Variants in COX7B2 observed in about 807,000 individuals in gnomAD.
COX7B2 encodes cytochrome c oxidase subunit 7B2, mitochondrial.
For synonymous variants in COX7B2, 37 were observed against 32.1 expected, an observed-to-expected ratio of 1.15 and a Z score of -0.51; for missense variants, 109 against 95.9, an observed-to-expected ratio of 1.14 and a Z score of -0.57.
intron 2 of COX7B2, among the ~76,000 whole-genome samples, chr4:46,805,749 G>A (rs1276799723): frequency 3.3e-5 from 5 of 152,030 alleles, no homozygotes; most frequent in Non-Finnish European, 7.4e-5. Context: ...GTAGATCAAT[G>A]TAATTTTTGA....
chr4:46,862,518 T>C (rs546065079), intron 1 of COX7B2, among the ~76,000 whole-genome samples: 1 of 152,316 alleles, frequency 6.6e-6, no homozygotes, highest in South Asian at 2.1e-4. Context: ...ATAAATTAAG[T>C]CCAAATGCTT....
chr4:46,859,841 T>G (rs1249383487), intron 1 of COX7B2, among the ~76,000 whole-genome samples: 2 of 152,158 alleles, frequency 1.3e-5, no homozygotes, highest in African/African-American at 4.8e-5. Context: ...CACCCCTTAA[T>G]TTGCATGTAA....
At chr4:46,745,542 A>G (rs1045064413) in intron 2 of COX7B2, among the ~76,000 whole-genome samples, 5 of 152,356 alleles carry the variant, frequency 3.3e-5, no homozygotes, top group Middle Eastern at 3.4e-3. Context: ...TATTTTACCT[A>G]TCCTTTTTTC....
At chr4:46,845,811 T>C (rs1046137733) in intron 1 of COX7B2, among the ~76,000 whole-genome samples, 2 of 152,006 alleles carry the variant, frequency 1.3e-5, no homozygotes, top group Non-Finnish European at 2.9e-5. Context: ...CCAAGGTACA[T>C]GTACATGTTT....
At chr4:46,812,313 T>C (rs564337186) in intron 2 of COX7B2, among the ~76,000 whole-genome samples, 2 of 151,734 alleles carry the variant, frequency 1.3e-5, no homozygotes, top group Non-Finnish European at 2.9e-5. Flanking sequence ...TCCCAGGAGC[T>C]TGGATGTAGC....
chr4:46,819,146 G>A (rs761496135), intron 2 of COX7B2, among the ~76,000 whole-genome samples: 1 of 152,020 alleles, frequency 6.6e-6, no homozygotes, highest in African/African-American at 2.4e-5. Context: ...AGATTTTCTT[G>A]CATAATAGAG....
chr4:46,883,606 C>T (rs1718886116), intron 1 of COX7B2, among the ~76,000 whole-genome samples: 1 of 151,978 alleles, frequency 6.6e-6, no homozygotes, highest in Non-Finnish European at 1.5e-5. Context: ...GGCATGGTGG[C>T]ACGTGCCTGT....
chr4:46,805,361 C>T (rs1339351037), intron 2 of COX7B2, among the ~76,000 whole-genome samples: 2 of 152,254 alleles, frequency 1.3e-5, no homozygotes. Context: ...CTCAATATCA[C>T]ATTATGTAAA....
chr4:46,773,813 G>A (rs1031418788), intron 2 of COX7B2, among the ~76,000 whole-genome samples: 4 of 151,858 alleles, frequency 2.6e-5, no homozygotes, highest in African/African-American at 7.3e-5. Flanking sequence ...CAAGACCTGG[G>A]GGCTATCTTT....
intron 2 of COX7B2, among the ~76,000 whole-genome samples, chr4:46,837,522 A>G (rs139655453): frequency 3.9e-5 from 6 of 152,146 alleles, no homozygotes; most frequent in African/African-American, 1.4e-4. Flanking sequence ...GAAGGTAGGA[A>G]TGGGGAGATA....
chr4:46,762,447 A>G (rs1260628585), intron 2 of COX7B2, among the ~76,000 whole-genome samples: 1 of 137,632 alleles, frequency 7.3e-6, no homozygotes, highest in South Asian at 2.1e-4. Flanking sequence ...TACTGTATAT[A>G]TATACTATAT....
In COX7B2 at chr4:46,772,478, G is replaced by C. The variant is rs529759146; in HGVS notation, c.-49-37237C>G. 2.0e-5 allele frequency among the ~76,000 whole-genome samples: 3 copies of C among 152,234 alleles called. No individual in the cohort carries two copies. In the East Asian group the frequency reaches 5.8e-4, roughly 29 times the overall value. On this transcript the variant is annotated intron_variant, in intron 2 of 2. Transcript: ENST00000355591. ...GAAAATGGTAAGTATCTGAGGTCAT[G>C]AATATGTTAATTAGTTTGATGGTAG...
chr4:46,756,665 T>A (rs370629330), intron 2 of COX7B2, among the ~76,000 whole-genome samples: 1 of 151,834 alleles, frequency 6.6e-6, no homozygotes, highest in Non-Finnish European at 1.5e-5. Context: ...CTAAAAGACA[T>A]ACAAGCAGTC....
At chr4:46,843,985 TTTTGCTTATA>T (rs1386043461) in intron 2 of COX7B2, among the ~76,000 whole-genome samples, 10 of 152,012 alleles carry the variant, frequency 6.6e-5, no homozygotes. Flanking sequence ...GGGTGAATTA[TTTTGCTTATA>T]TTTGCAAGTT....
chr4:46,790,574 TAG>T (rs1471011197), intron 2 of COX7B2, among the ~76,000 whole-genome samples: 1 of 152,222 alleles, frequency 6.6e-6, no homozygotes, highest in Non-Finnish European at 1.5e-5. Flanking sequence ...TAAAGACAAT[TAG>T]AGTCATCCCA....
intron 1 of COX7B2, among the ~76,000 whole-genome samples, chr4:46,858,288 G>A (rs1717123156): frequency 6.6e-6 from 1 of 151,922 alleles, no homozygotes; most frequent in South Asian, 2.1e-4. Flanking sequence ...GAGATGGGGG[G>A]GTTCGCCATA....
At chr4:46,786,629 T>A (rs1207544387) in intron 2 of COX7B2, among the ~76,000 whole-genome samples, 1 of 152,334 alleles carries the variant, frequency 6.6e-6, no homozygotes, top group East Asian at 1.9e-4. Context: ...ACTGAGATAA[T>A]CTAGCTTTGC....
At chr4:46,806,732 C>G (rs749968050) in intron 2 of COX7B2, among the ~76,000 whole-genome samples, 10 of 151,970 alleles carry the variant, frequency 6.6e-5, no homozygotes, top group Non-Finnish European at 4.4e-5. Context: ...GTTTTTTTAT[C>G]TCTGTGAATT....
chr4:46,888,158 A>G (rs1719196107), intron 1 of COX7B2, among the ~76,000 whole-genome samples: 1 of 152,170 alleles, frequency 6.6e-6, no homozygotes, highest in Non-Finnish European at 1.5e-5. Flanking sequence ...TGTCGCTTTC[A>G]AGGTGCCACA....
Sources: allele counts gnomAD v4.1 joint callset (sites outside exome capture counted in the v4.1 genomes callset), GRCh38; gene constraint gnomAD v4.1.1; transcripts MANE v1.5; gene names NCBI Gene and HGNC (gene_info 2026-07-23, HGNC 2026-07-21).